The following SUMF1 variants were observed in gnomAD, a reference collection of about 807,000 sequenced individuals.
SUMF1 encodes formylglycine-generating enzyme.
SUMF1 carries 48 observed loss-of-function variants against 47.6 expected under a neutral mutation model. That is an observed-to-expected ratio of 1.01 (90% CI 0.80 to 1.28). The LOEUF is 1.28. Ranked by LOEUF, SUMF1 falls within the 50% of genes most tolerant of loss-of-function variation. The pLI is 0.00. For synonymous variants in SUMF1, 230 were observed against 192.1 expected (o/e 1.20, Z -1.63); for missense variants, 571 against 485.4 (o/e 1.18, Z -1.66).
intron 1 of SUMF1, among the ~76,000 whole-genome samples, chr3:4,456,812 A>G (rs2079639744): frequency 6.7e-6 from 1 of 149,014 alleles, no homozygotes; most frequent in Admixed American, 6.7e-5. Flanking sequence ...GTATATATAT[A>G]CGTGTGTGTG....
intron 8 of SUMF1, among the ~76,000 whole-genome samples, chr3:4,228,431 C>T (rs1696220859): frequency 6.6e-6 from 1 of 151,944 alleles, no homozygotes. Flanking sequence ...TGGCAAGTGA[C>T]AGAATACTCA....
intron 8 of SUMF1, among the ~76,000 whole-genome samples, chr3:4,151,012 GT>G (rs1317036808): frequency 1.3e-5 from 2 of 151,434 alleles, no homozygotes; most frequent in African/African-American, 2.5e-5. Flanking sequence ...CACACCTGAA[GT>G]CCAATGTACA....
intron 3 of SUMF1, among the ~76,000 whole-genome samples, chr3:4,438,416 A>T (rs1419115673): frequency 6.6e-6 from 1 of 152,128 alleles, no homozygotes; most frequent in Non-Finnish European, 1.5e-5. Flanking sequence ...AATCCTGCTA[A>T]GTCAGTTTGC....
At chr3:4,063,891 T>C (rs1233456401) in intron 9 of SUMF1, among the ~76,000 whole-genome samples, 1 of 152,170 alleles carries the variant, frequency 6.6e-6, no homozygotes, top group African/African-American at 2.4e-5. Context: ...TAATCATAGA[T>C]TGGTAGCTTA....
rs1254711698 is a variant in SUMF1 at position 4,235,599 on chromosome 3, C to T, written c.1014+140731G>A. ...AAAAATGCTTTACGATATTCTGTTG[C>T]ATTTAAGAGATATATCATAAAACCA... On this transcript the variant is annotated intron_variant and NMD_transcript_variant, in intron 8 of 12. Coordinates refer to the SUMF1 transcript ENST00000448413. Among the ~76,000 whole-genome samples the T allele has an allele frequency of 3.3e-5, 5 of 152,178 alleles. No homozygotes were observed. The East Asian group carries it at 7.7e-4, about 24-fold the overall frequency.
At chr3:4,165,875 C>T (rs1390554777) in intron 8 of SUMF1, among the ~76,000 whole-genome samples, 5 of 134,432 alleles carry the variant, frequency 3.7e-5, no homozygotes, top group African/African-American at 5.5e-5. Flanking sequence ...CCCCCCCCCC[C>T]GAGCAAGAAC....
intron 8 of SUMF1, chr3:4,316,895 A>G (rs2125110236): frequency 6.5e-7 from 1 of 1,549,410 alleles, no homozygotes. Flanking sequence ...AGATGAACCA[A>G]AAACTGCAAC....
At chr3:4,230,394 C>A (rs1696272727) in intron 8 of SUMF1, among the ~76,000 whole-genome samples, 1 of 152,084 alleles carries the variant, frequency 6.6e-6, no homozygotes, top group African/African-American at 2.4e-5. Flanking sequence ...GTTCCTACAA[C>A]CCACCTTTCT....
intron 8 of SUMF1, chr3:4,303,242 T>C: frequency 9.4e-7 from 1 of 1,058,574 alleles, no homozygotes; most frequent in Non-Finnish European, 1.3e-6. Flanking sequence ...GGAAGCGCCT[T>C]CCAGGCCACT....
chr3:4,117,413 A>G (rs1574898517), intron 8 of SUMF1, among the ~76,000 whole-genome samples: 1 of 152,242 alleles, frequency 6.6e-6, no homozygotes, highest in African/African-American at 2.4e-5. Flanking sequence ...ACTATGATAC[A>G]TGCTAATTAA....
intron 8 of SUMF1, among the ~76,000 whole-genome samples, chr3:4,178,084 A>G (rs1192319204): frequency 1.3e-5 from 2 of 152,122 alleles, no homozygotes; most frequent in Non-Finnish European, 2.9e-5. Context: ...AGGACCAGAC[A>G]GATTCACAGT....
intron 7 of SUMF1, among the ~76,000 whole-genome samples, chr3:4,410,453 G>C (rs916496082): frequency 6.6e-6 from 1 of 152,084 alleles, no homozygotes; most frequent in Non-Finnish European, 1.5e-5. Flanking sequence ...CAATGCTGCT[G>C]AATCAAAATT....
chr3:4,080,809 T>G (rs1418684370), intron 8 of SUMF1, among the ~76,000 whole-genome samples: 1 of 152,122 alleles, frequency 6.6e-6, no homozygotes, highest in African/African-American at 2.4e-5. Flanking sequence ...AGGTCACATA[T>G]TCAAATTTCA....
At chr3:4,338,439 AC>A (rs1699199410) in intron 8 of SUMF1, among the ~76,000 whole-genome samples, 1 of 152,202 alleles carries the variant, frequency 6.6e-6, no homozygotes, top group Admixed American at 6.5e-5. Context: ...CCTTATCAGC[AC>A]TTTGGAAGTA....
intron 8 of SUMF1, among the ~76,000 whole-genome samples, chr3:4,277,246 A>G (rs1382969261): frequency 1.3e-5 from 2 of 152,192 alleles, no homozygotes; most frequent in East Asian, 3.8e-4. Flanking sequence ...TTAACAAAGG[A>G]GAAAAATAAA....
In SUMF1 at chr3:4,385,844, A is replaced by G. The variant is rs910667824; in HGVS notation, c.955-9455T>C. On this transcript the variant is annotated intron_variant, in intron 7 of 8. Transcript: ENST00000272902. ...TAAGGTAGAGGTTCATTTTCTGCCC[A>G]CGGATGTCCAATTGTTCCAGCACCA... Among the ~76,000 whole-genome samples, 7 of 152,288 alleles carry G rather than the reference A, an allele frequency of 4.6e-5. No homozygotes were observed. In the South Asian group the frequency reaches 1.4e-3, roughly 32 times the overall value.
chr3:4,195,187 TATC>T (rs1695402166), intron 8 of SUMF1, among the ~76,000 whole-genome samples: 1 of 152,092 alleles, frequency 6.6e-6, no homozygotes, highest in African/African-American at 2.4e-5. Flanking sequence ...ATTTGAAACA[TATC>T]ATATTTTGTC....
At chr3:4,279,164 A>G (rs1466954706) in intron 8 of SUMF1, among the ~76,000 whole-genome samples, 1 of 152,194 alleles carries the variant, frequency 6.6e-6, no homozygotes, top group Non-Finnish European at 1.5e-5. Flanking sequence ...TTTCTAGTCT[A>G]ACACCAGCCA....
At chr3:4,404,802 T>C (rs570384212) in intron 7 of SUMF1, among the ~76,000 whole-genome samples, 1 of 151,630 alleles carries the variant, frequency 6.6e-6, no homozygotes, top group Non-Finnish European at 1.5e-5. Flanking sequence ...AACACATGAG[T>C]GAAGGTCTTA....
Sources: allele counts gnomAD v4.1 joint callset (sites outside exome capture counted in the v4.1 genomes callset), GRCh38; gene constraint gnomAD v4.1.1; transcripts MANE v1.5; gene names NCBI Gene and HGNC (gene_info 2026-07-23, HGNC 2026-07-21).